Variants in TMEM132D observed in about 807,000 individuals in gnomAD.
TMEM132D encodes the protein mature OL transmembrane protein.
TMEM132D carries 21 observed loss-of-function variants against 62.3 expected under a neutral mutation model. That is an observed-to-expected ratio of 0.34 (90% CI 0.24 to 0.49). TMEM132D has a LOEUF of 0.49. Among genes scored for constraint, TMEM132D ranks in the 20% least tolerant of loss-of-function variants. TMEM132D has a pLI of 0.99. For synonymous variants in TMEM132D, 621 were observed against 575.6 expected (o/e 1.08, Z -1.13); for missense variants, 1,346 against 1,402.8 (o/e 0.96, Z 0.65).
chr12:129,272,879 G>A lies in TMEM132D; in HGVS notation c.1300-63216C>T, dbSNP rs568764487. Among the ~76,000 whole-genome samples, 173 of 151,758 alleles carry A rather than the reference G, an allele frequency of 1.1e-3. 5 individuals are homozygous for A. The highest frequency in any genetic ancestry group is 4.0e-3 in the African/African-American group (164 of 41,166). On this transcript the variant is annotated intron_variant, in intron 4 of 8. Transcript: ENST00000422113. Reference sequence around the variant, plus strand: ...AGTTCGAAACTAGCCAGGCCAACGTGATGAAACCCCATCTCTACTAAAACT... The same window carrying A: ...AGTTCGAAACTAGCCAGGCCAACGTAATGAAACCCCATCTCTACTAAAACT...
At chr12:129,415,406 G>A (rs576787715) in intron 3 of TMEM132D, among the ~76,000 whole-genome samples, 6 of 152,174 alleles carry the variant, frequency 3.9e-5, no homozygotes, top group South Asian at 4.2e-4. Flanking sequence ...ATTGGTATAC[G>A]GGCCATTTTT....
At chr12:129,748,504 A>G (rs1869890143) in intron 1 of TMEM132D, among the ~76,000 whole-genome samples, 3 of 152,160 alleles carry the variant, frequency 2.0e-5, no homozygotes, top group South Asian at 2.1e-4. Flanking sequence ...ACAGGGAGAA[A>G]GGGTCCAAGG....
chr12:129,203,505 G>GAGGGC (rs761619798), intron 5 of TMEM132D, among the ~76,000 whole-genome samples: 7 of 151,594 alleles, frequency 4.6e-5, no homozygotes, highest in Non-Finnish European at 7.3e-5. Flanking sequence ...GAAGCATGTG[G>GAGGGC]AGGGCAGGGC....
intron 4 of TMEM132D, among the ~76,000 whole-genome samples, chr12:129,223,445 CA>C (rs1321071082): frequency 1.3e-5 from 2 of 152,148 alleles, no homozygotes; most frequent in Non-Finnish European, 2.9e-5. Context: ...TCCCCCACAG[CA>C]GATGTGTAAA....
intron 3 of TMEM132D, among the ~76,000 whole-genome samples, chr12:129,380,568 T>TGC (rs1444111846): frequency 7.3e-6 from 1 of 136,802 alleles, no homozygotes; most frequent in Non-Finnish European, 1.6e-5. Flanking sequence ...TGTGTGTGTG[T>TGC]GCGTGTGTGT....
chr12:129,415,946 C>A (rs541603565), intron 3 of TMEM132D, among the ~76,000 whole-genome samples: 1 of 152,190 alleles, frequency 6.6e-6, no homozygotes, highest in African/African-American at 2.4e-5. Flanking sequence ...ACATTCTGCT[C>A]GGCTTAACAC....
At chr12:129,769,587 A>T (rs1441160290) in intron 1 of TMEM132D, among the ~76,000 whole-genome samples, 1 of 152,174 alleles carries the variant, frequency 6.6e-6, no homozygotes, top group African/African-American at 2.4e-5. Flanking sequence ...TACATGCCTA[A>T]TACTGCCCTC....
At chr12:129,403,292 T>C (rs1056686854) in intron 3 of TMEM132D, among the ~76,000 whole-genome samples, 4 of 146,444 alleles carry the variant, frequency 2.7e-5, no homozygotes, top group African/African-American at 5.1e-5. Context: ...GGAAAACAAC[T>C]GGCTTTCGAA....
chr12:129,680,491 T>C (rs1880750572), intron 2 of TMEM132D, among the ~76,000 whole-genome samples: 2 of 152,224 alleles, frequency 1.3e-5, no homozygotes, highest in South Asian at 2.1e-4. Context: ...TCTGTTTGAC[T>C]ATACTCATTT....
chr12:129,213,724 G>C (rs1358663600), intron 4 of TMEM132D, among the ~76,000 whole-genome samples: 1 of 152,030 alleles, frequency 6.6e-6, no homozygotes, highest in East Asian at 1.9e-4. Context: ...ACAATGCTGA[G>C]AACTCCATCA....
intron 3 of TMEM132D, among the ~76,000 whole-genome samples, chr12:129,457,803 C>T (rs1873524850): frequency 6.6e-6 from 1 of 152,172 alleles, no homozygotes; most frequent in Non-Finnish European, 1.5e-5. Flanking sequence ...AACTCACTCA[C>T]TATCATGAGA....
chr12:129,487,954 A>C (rs948480251), intron 3 of TMEM132D, among the ~76,000 whole-genome samples: 7 of 151,044 alleles, frequency 4.6e-5, no homozygotes, highest in East Asian at 3.9e-4. Context: ...AAAAAAAAAA[A>C]AAAAAAAAAG....
At chr12:129,378,068 T>C (rs1593357012) in intron 3 of TMEM132D, among the ~76,000 whole-genome samples, 1 of 152,236 alleles carries the variant, frequency 6.6e-6, no homozygotes, top group African/African-American at 2.4e-5. Flanking sequence ...AATTTGCACA[T>C]ACCCCTTTCA....
At chr12:129,761,882 C>T (rs1292155721) in intron 1 of TMEM132D, among the ~76,000 whole-genome samples, 2 of 152,194 alleles carry the variant, frequency 1.3e-5, no homozygotes, top group African/African-American at 4.8e-5. Context: ...TCCTGACCAG[C>T]AGCAACTGGC....
chr12:129,214,701 A>G (rs1879154089), intron 4 of TMEM132D, among the ~76,000 whole-genome samples: 1 of 152,238 alleles, frequency 6.6e-6, no homozygotes, highest in Non-Finnish European at 1.5e-5. Context: ...ATACTCACAT[A>G]AAAAAGCTCA....
At chr12:129,701,690 A>G (rs1392092863) in intron 1 of TMEM132D, among the ~76,000 whole-genome samples, 1 of 152,258 alleles carries the variant, frequency 6.6e-6, no homozygotes, top group Non-Finnish European at 1.5e-5. Context: ...CATAATCCAA[A>G]GAACCAATTT....
chr12:129,582,112 C>A (rs543085268), intron 2 of TMEM132D, among the ~76,000 whole-genome samples: 6 of 152,194 alleles, frequency 3.9e-5, no homozygotes, highest in African/African-American at 1.2e-4. Context: ...TGATGAAACA[C>A]GTCTGCTTTT....
intron 1 of TMEM132D, among the ~76,000 whole-genome samples, chr12:129,831,579 T>G (rs2137334450): frequency 6.6e-6 from 1 of 152,332 alleles, no homozygotes; most frequent in South Asian, 2.1e-4. Flanking sequence ...GTGAATGCTT[T>G]AGACCATGAC....
At chr12:129,798,994 A>G (rs1219415965) in intron 1 of TMEM132D, among the ~76,000 whole-genome samples, 1 of 152,252 alleles carries the variant, frequency 6.6e-6, no homozygotes, top group East Asian at 1.9e-4. Context: ...GGCCGGACGC[A>G]GTGGCTCACG....
Sources: allele counts gnomAD v4.1 joint callset (sites outside exome capture counted in the v4.1 genomes callset), GRCh38; gene constraint gnomAD v4.1.1; transcripts MANE v1.5; gene names NCBI Gene and HGNC (gene_info 2026-07-23, HGNC 2026-07-21).